CCDC178: variants seen among roughly 807,000 people sequenced by gnomAD.
The protein encoded by CCDC178 is coiled-coil domain containing 178, also known as coiled-coil domain-containing protein 178.
A neutral mutation model predicts 117.4 loss-of-function variants in CCDC178; 126 were observed. That is an observed-to-expected ratio of 1.07 (90% CI 0.93 to 1.24). The LOEUF (loss-of-function observed/expected upper bound fraction) is 1.24, where lower values mean the gene tolerates loss of function less well. Ranked by LOEUF, CCDC178 falls within the 50% of genes most tolerant of loss-of-function variation. The pLI is 0.00. For synonymous variants in CCDC178, 283 were observed against 313.4 expected, an observed-to-expected ratio of 0.90 and a Z score of 1.02; for missense variants, 1,030 against 986.9, an observed-to-expected ratio of 1.04 and a Z score of -0.59.
chr18:33,370,229 A>C, intron 5 of CCDC178, 40 bp from the exon 6 acceptor site: 3 of 1,457,100 alleles, frequency 2.1e-6, no homozygotes, highest in Non-Finnish European at 2.8e-6. Flanking sequence ...CATTCTATAC[A>C]AAGTAGTAAA....
chr18:33,085,778 C>T (rs907179481), intron 21 of CCDC178, among the ~76,000 whole-genome samples: 1 of 151,636 alleles, frequency 6.6e-6, no homozygotes, highest in African/African-American at 2.4e-5. Flanking sequence ...AATAAGCTGT[C>T]TATAGGTTTT....
intron 12 of CCDC178, among the ~76,000 whole-genome samples, chr18:33,289,850 C>G (rs2060145891): frequency 6.6e-6 from 1 of 151,726 alleles, no homozygotes; most frequent in African/African-American, 2.4e-5. Context: ...TCACAAAATC[C>G]CTAAACTGTT....
chr18:33,131,567 A>G (rs2058068852), intron 20 of CCDC178, among the ~76,000 whole-genome samples: 2 of 151,954 alleles, frequency 1.3e-5, no homozygotes, highest in Admixed American at 6.6e-5. Flanking sequence ...CTGAAATAAT[A>G]AAGGCATGAT....
intron 22 of CCDC178, among the ~76,000 whole-genome samples, chr18:32,959,683 A>C (rs1038975207): frequency 6.6e-6 from 1 of 152,102 alleles, no homozygotes; most frequent in Non-Finnish European, 1.5e-5. Context: ...TGCCTGAGTT[A>C]ATCTCACATC....
chr18:32,946,582 T>G (rs531770792), intron 22 of CCDC178, among the ~76,000 whole-genome samples: 2 of 152,262 alleles, frequency 1.3e-5, no homozygotes, highest in South Asian at 4.1e-4. Flanking sequence ...AGAAATTGTA[T>G]GCAATCATCT....
chr18:33,097,654 C>A (rs1034069178), intron 20 of CCDC178, among the ~76,000 whole-genome samples: 3 of 152,180 alleles, frequency 2.0e-5, no homozygotes, highest in South Asian at 2.1e-4. Context: ...CATGAGCCAG[C>A]ACTTTTAAAC....
chr18:33,103,705 C>T (rs573738808), intron 20 of CCDC178, among the ~76,000 whole-genome samples: 15 of 151,784 alleles, frequency 9.9e-5, no homozygotes, highest in African/African-American at 2.7e-4. Flanking sequence ...GTCTACCCCA[C>T]GCCTTCTTTA....
rs147462915 is a variant in CCDC178, at chr18:33,370,050, C to T, written c.348G>A (p.Arg116=). The T allele has an allele frequency of 7.1e-3, 11,198 of 1,575,728 alleles. 71 individuals carry two copies. Among genetic ancestry groups the T allele is most frequent in the Middle Eastern group, 8.4e-3 (50 of 5,944 alleles). ...TCAGCATTTTAAATTAGTCTCTTAC[C>T]CTTTTCAAATGCTCCTGTATTTTGG... is the stretch of plus-strand genomic sequence containing the variant. ...VESKIQEHLK[R]FETSFEEWSR... Residue 116 remains arginine, a splice_region_variant and synonymous_variant, in exon 6 of 23, where the codon AGG becomes AGA. Transcript: ENST00000383096.
chr18:33,282,407 C>A (rs1599100280), intron 12 of CCDC178, among the ~76,000 whole-genome samples: 1 of 152,274 alleles, frequency 6.6e-6, no homozygotes, highest in South Asian at 2.1e-4. Context: ...CCTAGGGGAA[C>A]TGTCGGTCCT....
upstream of CCDC178, chr18:33,440,865 C>G (rs971921205): frequency 6.5e-6 from 1 of 152,926 alleles, no homozygotes; most frequent in Non-Finnish European, 1.5e-5. Flanking sequence ...GATCAGCGCT[C>G]CAGGCCGCCC....
At chr18:33,144,474 T>C (rs1417448650) in intron 20 of CCDC178, among the ~76,000 whole-genome samples, 1 of 152,118 alleles carries the variant, frequency 6.6e-6, no homozygotes, top group Non-Finnish European at 1.5e-5. Flanking sequence ...AAAGATATTA[T>C]AATATTATAG....
chr18:33,045,304 C>CCTA (rs2144907160), intron 21 of CCDC178, among the ~76,000 whole-genome samples: 1 of 152,094 alleles, frequency 6.6e-6, no homozygotes, highest in East Asian at 1.9e-4. Context: ...TAATATATGA[C>CCTA]CTACCGTGTT....
At chr18:33,132,898 C>T (rs1012120709) in intron 20 of CCDC178, among the ~76,000 whole-genome samples, 11 of 151,654 alleles carry the variant, frequency 7.3e-5, no homozygotes, top group Non-Finnish European at 1.6e-4. Context: ...GAAAACTTTG[C>T]AACAGATTTC....
At chr18:33,060,892 C>T (rs2056910534) in intron 21 of CCDC178, among the ~76,000 whole-genome samples, 1 of 152,038 alleles carries the variant, frequency 6.6e-6, no homozygotes, top group African/African-American at 2.4e-5. Flanking sequence ...AAATATTTCC[C>T]TTATTAAACC....
intron 21 of CCDC178, among the ~76,000 whole-genome samples, chr18:32,991,024 T>C (rs2055377262): frequency 6.6e-6 from 1 of 151,290 alleles, no homozygotes; most frequent in African/African-American, 2.4e-5. Context: ...ATAATAATTT[T>C]ATATTTATTA....
At chr18:33,021,189 C>G (rs1012541958) in intron 21 of CCDC178, among the ~76,000 whole-genome samples, 1 of 152,208 alleles carries the variant, frequency 6.6e-6, no homozygotes, top group African/African-American at 2.4e-5. Context: ...AGAAAACAAG[C>G]AATGATATTG....
intron 8 of CCDC178, among the ~76,000 whole-genome samples, chr18:33,347,342 T>A (rs1404128229): frequency 6.6e-6 from 1 of 152,182 alleles, no homozygotes; most frequent in Non-Finnish European, 1.5e-5. Flanking sequence ...TTCTGCTAGA[T>A]GGGAGTATTA....
intron 11 of CCDC178, among the ~76,000 whole-genome samples, chr18:33,298,061 C>T (rs2062129054): frequency 6.6e-6 from 1 of 150,532 alleles, no homozygotes; most frequent in Admixed American, 6.6e-5. Flanking sequence ...AAAGAAGTAA[C>T]TTCAATTCTT....
intron 20 of CCDC178, among the ~76,000 whole-genome samples, chr18:33,147,970 C>T (rs1040003656): frequency 4.0e-5 from 6 of 151,522 alleles, no homozygotes; most frequent in Admixed American, 2.0e-4. Context: ...ACCTCCCGGA[C>T]GGGGCGGCGG....
Sources: allele counts gnomAD v4.1 joint callset (sites outside exome capture counted in the v4.1 genomes callset), GRCh38; gene constraint gnomAD v4.1.1; transcripts MANE v1.5; gene names NCBI Gene and HGNC (gene_info 2026-07-23, HGNC 2026-07-21).